HGS: variants seen among roughly 807,000 people sequenced by gnomAD.
HGS encodes the protein hepatocyte growth factor-regulated tyrosine kinase substrate, also known as human growth factor-regulated tyrosine kinase substrate.
HGS carries 63 observed loss-of-function variants against 109.7 expected under a neutral mutation model. The ratio of observed to expected loss-of-function variants is 0.57; its 90% CI spans 0.47 to 0.71. HGS has a LOEUF of 0.71. Among genes scored for constraint, HGS ranks in the 30% least tolerant of loss-of-function variants. HGS has a pLI of 0.00. For missense variants in HGS, 995 were observed against 1,068.3 expected (o/e 0.93, Z 0.96); for synonymous variants, 546 against 437.3 (o/e 1.25, Z -3.10).
intron 2 of HGS, among the ~76,000 whole-genome samples, chr17:81,685,933 A>G (rs1297441382): frequency 4.6e-5 from 7 of 151,552 alleles, no homozygotes; most frequent in Non-Finnish European, 1.0e-4. Context: ...AAGATGGCAG[A>G]CAGACTTTTT....
At chr17:81,700,978 G>GC (rs2037228715) in intron 20 of HGS, 67 bp from the exon 21 acceptor site, 1 of 1,555,358 alleles carries the variant, frequency 6.4e-7, no homozygotes, top group East Asian at 2.2e-5. Context: ...ATTGTTGCAA[G>GC]CCAGAAACAT....
Position 81,701,510 on chromosome 17 carries a change from G to A in HGS, c.2226G>A (p.Met742Ile). Residue 742 changes from methionine (M) to isoleucine (I), a missense_variant and splice_region_variant, in exon 22 of 22, where the codon ATG (methionine) becomes ATA (isoleucine). By Grantham distance (10) the Met-to-Ile change is conservative. This residue lies in a region of HGS where 326 missense variants were observed against 309.7 expected (regional missense o/e 1.05). Coordinates refer to ENST00000329138, the MANE Select transcript of HGS (RefSeq NM_004712.5). ...IAGQQPMYQQ[M>I]APSGGPPQQQ... ...ATGCCTGCTTTCCTCCTGCACAGATGGCACCCTCTGGCGGTCCCCCCCAGC... is the reference window on the plus strand; with the variant it reads ...ATGCCTGCTTTCCTCCTGCACAGATAGCACCCTCTGGCGGTCCCCCCCAGC... The A allele has an allele frequency of 1.9e-6, 3 of 1,554,434 alleles. No homozygotes were observed. The highest frequency in any genetic ancestry group is 2.6e-6 in the Non-Finnish European group (3 of 1,156,584).
intron 18 of HGS, 21 bp from the exon 19 acceptor site, chr17:81,700,446 C>T: frequency 6.5e-7 from 1 of 1,541,116 alleles, no homozygotes; most frequent in African/African-American, 1.4e-5. Flanking sequence ...TGAACCATCT[C>T]CCCTGTCTTG....
chr17:81,694,063 T>C, intron 11 of HGS, 98 bp downstream of exon 11: 1 of 1,062,946 alleles, frequency 9.4e-7, no homozygotes, highest in Non-Finnish European at 1.3e-6. Context: ...TGGTGGGGGA[T>C]GCGGGTCCCC....
At position 81,694,997 on chromosome 17, in the gene HGS, C is replaced by T. The variant is rs745478862; in HGVS notation, c.1049C>T (p.Ala350Val). The T allele has an allele frequency of 5.0e-6, 8 of 1,614,098 alleles. No individual in the cohort carries two copies. Among genetic ancestry groups the T allele is most frequent in the East Asian group, 2.2e-5 (1 of 44,882 alleles). ...EEARKSPTPS[A>V]PVPLTEPAAQ... is the part of the protein sequence containing the mutation. ...GCTCGCAAGAGCCCCACGCCATCTG[C>T]GCCCGTGCCCCTGACGGAGCCGGCT... is the stretch of plus-strand genomic sequence containing the variant. Residue 350 changes from alanine to valine, a missense_variant, in exon 13 of 22, where the codon GCG (alanine) becomes GTG (valine). Ala to Val is a moderately conservative substitution (Grantham distance 64). Around this residue, in one of 6 missense-constraint regions of HGS, gnomAD observed 300 missense variants for 235.4 expected, o/e 1.27. Coordinates refer to ENST00000329138, the MANE Select transcript of HGS (RefSeq NM_004712.5).
rs1296234807 is a variant in HGS, at chr17:81,701,918, A to AC, written c.*306dup. On this transcript the variant is annotated 3_prime_UTR_variant, in exon 22 of 22. Coordinates refer to ENST00000329138, the MANE Select transcript of HGS (RefSeq NM_004712.5). ...AGAGGTGGCAGGAATGGGGACCCTC[A>AC]CCCCCCAAGCAGCCTGTGCCCTCTG... The AC allele has an allele frequency of 1.5e-5, 4 of 273,288 alleles. No homozygotes were observed. The highest frequency in any genetic ancestry group is 6.7e-5 in the African/African-American group (3 of 44,888). The allele number at this position is 273,288 out of a possible 1,614,324, so 16.9% of individuals were successfully genotyped here. A position where few individuals can be genotyped will look rare whatever the true frequency, so the allele number is the denominator to read the frequency against.
chr17:81,693,749 G>C lies in HGS; in HGVS notation c.837G>C (p.Arg279Ser). Residue 279 changes from arginine (R) to serine (S), a missense_variant, in exon 10 of 22, where the codon AGG (arginine) becomes AGC (serine). Physicochemically the swap from Arg to Ser is moderately radical, Grantham distance 110. Coordinates refer to ENST00000329138, the MANE Select transcript of HGS (RefSeq NM_004712.5). ...AGTCAGAGGCGGAGGAGAAGGAGAGGCTGGTAAGCCGGGTGGGGCGGGGCG... is the reference window on the plus strand; with the variant it reads ...AGTCAGAGGCGGAGGAGAAGGAGAGCCTGGTAAGCCGGGTGGGGCGGGGCG... ...LSQSEAEEKERLRQKSTYTSY... is the reference protein window; with the variant it reads ...LSQSEAEEKESLRQKSTYTSY... 6.4e-7 allele frequency: 1 copy of C among 1,550,778 alleles called. No individual in the cohort carries two copies.
At chr17:81,689,608 C>T (rs1317083747) in intron 5 of HGS, among the ~76,000 whole-genome samples, 1 of 152,128 alleles carries the variant, frequency 6.6e-6, no homozygotes, top group Non-Finnish European at 1.5e-5. Context: ...GGGAATGGGG[C>T]AGGCTCCAGG....
At position 81,694,927 on chromosome 17, in the gene HGS, G is replaced by A. The variant is rs745572660; in HGVS notation, c.979G>A (p.Ala327Thr). The change falls in exon 13 of 22, where the codon GCA becomes ACA. Residue 327 changes from alanine (A) to threonine (T), a missense_variant. Transcript: ENST00000329138. ...PLAEDIDPELARYLNRNYWEK... is the reference protein window; with the variant it reads ...PLAEDIDPELTRYLNRNYWEK... ...GTGACCCCCTCATTGCCTGCAGCTC[G>A]CACGGTATCTCAACCGGAACTACTG... 4.3e-6 allele frequency: 7 copies of A among 1,614,206 alleles called. No homozygotes were observed. The East Asian group carries it at 6.7e-5, about 15-fold the overall frequency.
intron 11 of HGS, among the ~76,000 whole-genome samples, chr17:81,694,367 C>G (rs1363396107): frequency 6.6e-6 from 1 of 152,236 alleles, no homozygotes; most frequent in African/African-American, 2.4e-5. Context: ...GGGTCGGGGA[C>G]AGCAGGTTGA....
rs1401311490 is a variant in HGS, at chr17:81,686,295, C to T, written c.123-17C>T. On this transcript the variant is annotated splice_polypyrimidine_tract_variant and intron_variant, in intron 2 of 21. Transcript: ENST00000329138. ...TTTTCCCGTTTTTCTCTGCTTTTAT[C>T]AATGTTTCCTTTTCAGAGCAAAATA... 1.9e-6 allele frequency: 3 copies of T among 1,606,446 alleles called. No individual in the cohort carries two copies. Among genetic ancestry groups the T allele is most frequent in the African/African-American group, 2.7e-5 (2 of 74,714 alleles).
intron 11 of HGS, 131 bp from the exon 12 acceptor site, chr17:81,694,684 G>A: frequency 9.7e-7 from 1 of 1,030,014 alleles, no homozygotes; most frequent in East Asian, 2.5e-5. Flanking sequence ...CCAGGAACCA[G>A]AGGAGGGCAC....
intron 1 of HGS, 99 bp from the exon 2 acceptor site, chr17:81,685,506 G>T: frequency 1.4e-6 from 1 of 717,696 alleles, no homozygotes; most frequent in East Asian, 2.7e-5. Context: ...AATGTCTAAA[G>T]GGGAAGGAGA....
intron 20 of HGS, 113 bp from the exon 21 acceptor site, chr17:81,700,932 C>T: frequency 6.6e-7 from 1 of 1,522,256 alleles, no homozygotes; most frequent in Non-Finnish European, 9.1e-7. Context: ...GCTCCTCCCC[C>T]TCCACTCTCT....
Position 81,684,112 on chromosome 17 carries a change from TC to T in HGS, c.37+13del. Reference sequence around the variant, plus strand: ...CTTCGAGCGTCTCCTAGGTAACGCGTCCCCACCCGACGGCTCGGCCTTGGTC... The same window carrying T: ...CTTCGAGCGTCTCCTAGGTAACGCGTCCCACCCGACGGCTCGGCCTTGGTC... On this transcript the variant is annotated intron_variant, in intron 1 of 21. Coordinates refer to ENST00000329138, the MANE Select transcript of HGS (RefSeq NM_004712.5). 6.3e-7 allele frequency: 1 copy of T among 1,575,572 alleles called. No individual in the cohort carries two copies.
In HGS at chr17:81,700,468, T is replaced by G; in HGVS notation, c.1884T>G (p.Asp628Glu). 1 of 1,561,812 alleles carries G rather than the reference T, an allele frequency of 6.4e-7. No individual in the cohort carries two copies. The highest frequency in any genetic ancestry group is 8.7e-7 in the Non-Finnish European group (1 of 1,151,788). ...PYPSMPSTAA[D>E]PSMVSAYMYP... The stretch of plus-strand genomic sequence containing the variant: ...TCTCCCCTGTCTTGTTTGTCACAGA[T>G]CCCAGCATGGTGAGTGCCTACATGT... The change falls in exon 19 of 22, where the codon GAT becomes GAG. Residue 628 changes from aspartate (D) to glutamate (E), a missense_variant and splice_region_variant. Physicochemically the swap from Asp to Glu is conservative, Grantham distance 45. Coordinates refer to ENST00000329138, the MANE Select transcript of HGS (RefSeq NM_004712.5).
chr17:81,693,634 C>A lies in HGS; in HGVS notation c.742-20C>A. 6.5e-7 allele frequency: 1 copy of A among 1,545,466 alleles called. No homozygotes were observed. ...ACCTCTTCCCCGGCGCCCCCCCTCA[C>A]CCTCCCCGCTTGTCCTCAGCTGCCC... On this transcript the variant is annotated intron_variant, in intron 9 of 21. Transcript: ENST00000329138.
At chr17:81,697,141 A>G in intron 18 of HGS, 143 bp downstream of exon 18, 2 of 906,788 alleles carry the variant, frequency 2.2e-6, no homozygotes, top group South Asian at 1.9e-5. Flanking sequence ...TCCTGTTTCC[A>G]TGCAAACGCA....
At chr17:81,697,161 G>C in intron 18 of HGS, 163 bp downstream of exon 18, 1 of 759,320 alleles carries the variant, frequency 1.3e-6, no homozygotes, top group East Asian at 2.8e-5. Context: ...ACTCACACAG[G>C]CTTTCCTGCT....
Sources: gnomAD v4.1 joint callset for allele counts (sites outside exome capture counted in the v4.1 genomes callset) on GRCh38, gnomAD v4.1.1 for gene constraint, gnomAD v4.1.1 regional missense constraint, MANE v1.5 for transcripts, NCBI Gene and HGNC (gene_info 2026-07-23, HGNC 2026-07-21) for gene names.